The following RNF207 variants were observed in gnomAD, a reference collection of about 807,000 sequenced individuals.
The protein encoded by RNF207 is ring finger protein 207, also known as OTTHUMG00000001089.
A neutral mutation model predicts 79.0 loss-of-function variants in RNF207; 72 were observed. That is an observed-to-expected ratio of 0.91 (90% CI 0.75 to 1.11). The LOEUF is 1.11. RNF207 is among the 50% of genes least tolerant of loss of function. The pLI, the probability that RNF207 is intolerant of heterozygous loss-of-function variation, is 0.00. For synonymous variants in RNF207, 348 were observed against 366.2 expected (o/e 0.95, Z 0.57); for missense variants, 936 against 855.8 (o/e 1.09, Z -1.17).
At chr1:6,214,626 C>CTTTTTTTTTTTTTTT (rs1553148919) in intron 16 of RNF207, among the ~76,000 whole-genome samples, 2 of 95,608 alleles carry the variant, frequency 2.1e-5, no homozygotes, top group African/African-American at 1.2e-4. Context: ...TGGAATATTT[C>CTTTTTTTTTTTTTTT]TTTCTTTTTT....
intron 16 of RNF207, among the ~76,000 whole-genome samples, chr1:6,216,271 A>C (rs1260753454): frequency 6.6e-6 from 1 of 152,216 alleles, no homozygotes; most frequent in Non-Finnish European, 1.5e-5. Context: ...CTACCCACAC[A>C]GACTTGTTCA....
At position 6,207,289 on chromosome 1, in the gene RNF207, A is replaced by G; in HGVS notation, c.192-90A>G. 5 of 1,383,046 alleles carry G rather than the reference A, an allele frequency of 3.6e-6. No individual in the cohort carries two copies. Among genetic ancestry groups the G allele is most frequent in the Non-Finnish European group, 3.9e-6 (4 of 1,028,278 alleles). The allele number at this position is 1,383,046 out of a possible 1,614,324, so 85.7% of individuals were successfully genotyped here. A position where few individuals can be genotyped will look rare whatever the true frequency, so the allele number is the denominator to read the frequency against. ...GTGCACCCCACCTCCCAACACAGCT[A>G]TTTTTAGCTCCAGCCTGGAATGTGA... On this transcript the variant is annotated intron_variant, in intron 2 of 17. Coordinates refer to ENST00000377939, the MANE Select transcript of RNF207 (RefSeq NM_207396.3). This position sits in a 1 kb window ranked among gnomAD's most constrained non-coding sequence, Gnocchi z 4.5.
rs1171481808 is a variant in RNF207 at position 6,220,524 on chromosome 1, G to A, written c.*1117G>A. On this transcript the variant is annotated 3_prime_UTR_variant, in exon 18 of 18. Coordinates refer to ENST00000377939, the MANE Select transcript of RNF207 (RefSeq NM_207396.3). The stretch of plus-strand genomic sequence containing the variant: ...TAATCTGAGCAGTGACTCATGGAAG[G>A]ATGAGGAACGTTTGCTCCAGCTTCT... 2.0e-5 allele frequency: 3 copies of A among 152,230 alleles called. No individual in the cohort carries two copies. Among genetic ancestry groups the A allele is most frequent in the African/African-American group, 7.2e-5 (3 of 41,446 alleles). 9.4% of individuals were successfully genotyped at this position (152,230 alleles called of 1,614,324 possible). A position where few individuals can be genotyped will look rare whatever the true frequency, so the allele number is the denominator to read the frequency against.
chr1:6,208,327 T>TC (rs1430727743), intron 3 of RNF207: 1 of 151,154 alleles, frequency 6.6e-6, no homozygotes, highest in Non-Finnish European at 1.5e-5. Context: ...AAAAAAAAAT[T>TC]TTTTTTTTTG....
chr1:6,213,010 A>C, intron 15 of RNF207, 56 bp from the exon 16 acceptor site: 2 of 1,207,746 alleles, frequency 1.7e-6, no homozygotes, highest in Non-Finnish European at 2.4e-6. Flanking sequence ...TTGAGTAAAA[A>C]TCTGAAGCCA....
At chr1:6,210,190 C>A (rs1255260639) in intron 8 of RNF207, 33 bp from the exon 9 acceptor site, 8 of 1,577,926 alleles carry the variant, frequency 5.1e-6, no homozygotes, top group Admixed American at 3.4e-5. Flanking sequence ...CTGCTCCTGG[C>A]CCCCTGGAAA....
intron 8 of RNF207, 61 bp downstream of exon 8, chr1:6,210,031 G>A: frequency 6.6e-7 from 1 of 1,510,886 alleles, no homozygotes; most frequent in South Asian, 1.3e-5. Flanking sequence ...CCTCAGCTCA[G>A]AGCCTGGGCA....
intron 13 of RNF207, 40 bp from the exon 14 acceptor site, chr1:6,212,191 C>G: frequency 6.3e-7 from 1 of 1,588,942 alleles, no homozygotes; most frequent in African/African-American, 1.3e-5. Flanking sequence ...GTAAAAACAG[C>G]CTAGGGTGAC....
Position 6,207,276 on chromosome 1 carries a change from T to G in RNF207, c.192-103T>G. On this transcript the variant is annotated intron_variant, in intron 2 of 17. Coordinates refer to ENST00000377939, the MANE Select transcript of RNF207 (RefSeq NM_207396.3). The surrounding 1 kb of genome is among the most constrained non-coding windows in gnomAD (Gnocchi z 4.5). ...CCCCAGAGCTGTGGTGCACCCCACCTCCCAACACAGCTATTTTTAGCTCCA... is the reference window on the plus strand; with the variant it reads ...CCCCAGAGCTGTGGTGCACCCCACCGCCCAACACAGCTATTTTTAGCTCCA... 8.0e-7 allele frequency: 1 copy of G among 1,245,016 alleles called. No individual in the cohort carries two copies. The highest frequency in any genetic ancestry group is 1.6e-5 in the South Asian group (1 of 63,742). 77.1% of individuals were successfully genotyped at this position (1,245,016 alleles called of 1,614,324 possible).
At chr1:6,212,181 G>C in intron 13 of RNF207, 50 bp from the exon 14 acceptor site, 1 of 1,574,914 alleles carries the variant, frequency 6.3e-7, no homozygotes, top group South Asian at 1.2e-5. Flanking sequence ...GTCCATGGCA[G>C]TAAAAACAGC....
In RNF207 at chr1:6,210,655, T is replaced by C. The variant is rs1668124113; in HGVS notation, c.943-215T>C. ...GGGGGCATGAGCCTACAGTCCCCCG[T>C]GGGGCGGAGTGACCACTGGAGTCCA... On this transcript the variant is annotated intron_variant, in intron 10 of 17. Transcript: ENST00000377939. 2.5e-5 allele frequency: 16 copies of C among 635,364 alleles called. No individual in the cohort carries two copies. The Admixed American group carries it at 4.1e-4, about 16-fold the overall frequency. 39.4% of individuals were successfully genotyped at this position (635,364 alleles called of 1,614,324 possible).
intron 16 of RNF207, among the ~76,000 whole-genome samples, chr1:6,214,747 G>C (rs1189980449): frequency 2.8e-5 from 4 of 145,136 alleles, no homozygotes; most frequent in African/African-American, 1.0e-4. Context: ...CCATTCTCCT[G>C]CCTCAGCCTC....
In RNF207 at chr1:6,208,883, C is replaced by G. The variant is rs1377586863; in HGVS notation, c.327C>G (p.Asp109Glu). 2.0e-6 allele frequency: 3 copies of G among 1,529,038 alleles called. No homozygotes were observed. Among genetic ancestry groups the G allele is most frequent in the Admixed American group, 2.0e-5 (1 of 50,596 alleles). The allele number at this position is 1,529,038 out of a possible 1,614,324, so 94.7% of individuals were successfully genotyped here. A position where few individuals can be genotyped will look rare whatever the true frequency, so the allele number is the denominator to read the frequency against. ...ANCDLECSEQ[D>E]VETTYFCNTC... Reference sequence around the variant, plus strand: ...CTGAGCCCGCGCTCGGCCCGCAGGACGTGGAGACCACGTACTTCTGCAACA... The same window carrying G: ...CTGAGCCCGCGCTCGGCCCGCAGGAGGTGGAGACCACGTACTTCTGCAACA... The change falls in exon 4 of 18, where the codon GAC (aspartate) becomes GAG (glutamate). Residue 109 changes from aspartate (D) to glutamate (E), a missense_variant and splice_region_variant. Transcript: ENST00000377939.
intron 16 of RNF207, among the ~76,000 whole-genome samples, chr1:6,215,537 C>T (rs1178789456): frequency 1.3e-5 from 2 of 152,154 alleles, no homozygotes; most frequent in Admixed American, 1.3e-4. Context: ...TTCTGTACCC[C>T]GTTTCTTTTG....
intron 3 of RNF207, chr1:6,208,564 C>T (rs866317817): frequency 9.2e-5 from 31 of 336,218 alleles, no homozygotes; most frequent in South Asian, 2.0e-4. Flanking sequence ...GCCTCGGCCT[C>T]CCAAATTGTT....
In RNF207 at chr1:6,213,063, C is replaced by T; in HGVS notation, c.1535-3C>T. 1.2e-6 allele frequency: 2 copies of T among 1,605,222 alleles called. No homozygotes were observed. The highest frequency in any genetic ancestry group is 1.7e-6 in the Non-Finnish European group (2 of 1,173,072). ...ACCCCATGCTCTGGCCTTGGCCCCA[C>T]AGCCCAGCTCCATGACCTTCTCCAG... On this transcript the variant is annotated splice_polypyrimidine_tract_variant and splice_region_variant and intron_variant, in intron 15 of 17. Transcript: ENST00000377939.
chr1:6,210,806 T>A lies in RNF207; in HGVS notation c.943-64T>A, dbSNP rs1380975143. On this transcript the variant is annotated intron_variant, in intron 10 of 17. Transcript: ENST00000377939. ...AAGACAGACGTGCTCCGCCTCCATC[T>A]CCCCTCTTCCTGCCCCCTGGCTGCC... is the stretch of plus-strand genomic sequence containing the variant. 2.8e-6 allele frequency: 4 copies of A among 1,409,328 alleles called. No homozygotes were observed. In the Admixed American group the frequency reaches 7.8e-5, roughly 28 times the overall value. The allele number at this position is 1,409,328 out of a possible 1,614,324, so 87.3% of individuals were successfully genotyped here.
At chr1:6,209,066 C>CCCG in intron 4 of RNF207, 41 bp downstream of exon 4, 35 of 644,116 alleles carry the variant, frequency 5.4e-5, no homozygotes, top group East Asian at 1.3e-4. Flanking sequence ...GGGGTGGGGG[C>CCCG]GGGGCGGGCA....
rs1229018498 is a variant in RNF207, at chr1:6,207,394, G to C, written c.207G>C (p.Leu69=). ...TCPLCQHQTV[L]KGPSGLPPVD... Reference sequence around the variant, plus strand: ...TTCTCTGCAGACACCAGACGGTGCTGAAGGGTCCCAGCGGGCTCCCGCCGG... The same window carrying C: ...TTCTCTGCAGACACCAGACGGTGCTCAAGGGTCCCAGCGGGCTCCCGCCGG... Residue 69 remains leucine, a synonymous_variant, in exon 3 of 18, where the codon CTG becomes CTC. Transcript: ENST00000377939. The surrounding 1 kb of genome is among the most constrained non-coding windows in gnomAD (Gnocchi z 4.5). 1.3e-6 allele frequency: 2 copies of C among 1,539,140 alleles called. No homozygotes were observed. Among genetic ancestry groups the C allele is most frequent in the African/African-American group, 2.7e-5 (2 of 72,954 alleles).
Sources: gnomAD v4.1 joint callset for allele counts (sites outside exome capture counted in the v4.1 genomes callset) on GRCh38, gnomAD v4.1.1 for gene constraint, Gnocchi (gnomAD v3.1) non-coding constraint, MANE v1.5 for transcripts, NCBI Gene and HGNC (gene_info 2026-07-23, HGNC 2026-07-21) for gene names.